The following ATP8B4 variants were observed in gnomAD, a reference collection of about 807,000 sequenced individuals.
The protein encoded by ATP8B4 is probable phospholipid-transporting ATPase IM.
A neutral mutation model predicts 145.6 loss-of-function variants in ATP8B4; 133 were observed. That is an observed-to-expected ratio of 0.91 (90% CI 0.79 to 1.05). ATP8B4 has a LOEUF of 1.05. Ranked by LOEUF, ATP8B4 falls within the 50% of genes least tolerant of loss-of-function variation. The pLI is 0.00. For synonymous variants in ATP8B4, 507 were observed against 492.9 expected (o/e 1.03, Z -0.38); for missense variants, 1,458 against 1,425.2 (o/e 1.02, Z -0.37).
At chr15:49,957,362 C>T (rs933292435) in intron 14 of ATP8B4, among the ~76,000 whole-genome samples, 1 of 151,794 alleles carries the variant, frequency 6.6e-6, no homozygotes, top group Non-Finnish European at 1.5e-5. Context: ...CACAAACACA[C>T]ACACACAGAG....
chr15:50,172,994 G>GCCCCGTCCAGGAGGTGGGGGGCAGC (rs1567418685), intron 1 of ATP8B4, among the ~76,000 whole-genome samples: 4 of 148,872 alleles, frequency 2.7e-5, no homozygotes, highest in African/African-American at 9.9e-5. Flanking sequence ...CCGGCCAGCC[G>GCCCCGTCCAGGAGGTGGGGGGCAGC]CCCCGTCCGG....
intron 16 of ATP8B4, among the ~76,000 whole-genome samples, chr15:49,926,455 T>C (rs769136807): frequency 9.9e-5 from 15 of 152,174 alleles, no homozygotes; most frequent in Non-Finnish European, 2.1e-4. Flanking sequence ...ATTCCAGTAC[T>C]GCTTCCTTCC....
chr15:49,991,079 T>C (rs1002284961), intron 9 of ATP8B4, among the ~76,000 whole-genome samples: 1 of 152,282 alleles, frequency 6.6e-6, no homozygotes, highest in South Asian at 2.1e-4. Context: ...CGCCTTTACA[T>C]GGAATCTATG....
chr15:49,983,085 T>C (rs1191566652), intron 10 of ATP8B4, among the ~76,000 whole-genome samples: 2 of 152,184 alleles, frequency 1.3e-5, no homozygotes, highest in East Asian at 3.8e-4. Context: ...ATAGGTCACC[T>C]TATCTTCTTA....
chr15:49,931,241 C>A lies in ATP8B4; in HGVS notation c.1520G>T (p.Gly507Val). The change falls in exon 16 of 28, where the codon GGG becomes GTG. Residue 507 changes from glycine to valine, a missense_variant. By Grantham distance (109) the Gly-to-Val change is moderately radical. Transcript: ENST00000284509. ...GALVTAARNF[G>V]FIFKSRTPET... ...TGGGGTCCGGGATTTAAAAATGAAC[C>A]CAAAATTTCTAGCGGCAGTCACTAG... The A allele has an allele frequency of 6.2e-7, 1 of 1,612,682 alleles. No homozygotes were observed. Among genetic ancestry groups the A allele is most frequent in the Non-Finnish European group, 8.5e-7 (1 of 1,179,224 alleles).
intron 18 of ATP8B4, 112 bp from the exon 19 acceptor site, chr15:49,919,062 AAATTATGATACAT>A: frequency 1.3e-6 from 1 of 768,456 alleles, no homozygotes; most frequent in Non-Finnish European, 2.1e-6. Context: ...TTGAAGACAG[AAATTATGATACAT>A]TGATATAGCA....
At chr15:49,871,014 A>T (rs548407688) in intron 25 of ATP8B4, among the ~76,000 whole-genome samples, 11 of 152,260 alleles carry the variant, frequency 7.2e-5, no homozygotes, top group Non-Finnish European at 1.5e-4. Flanking sequence ...TGTACTTACT[A>T]TGTGACTGGG....
At chr15:50,011,186 G>A (rs1033110566) in intron 6 of ATP8B4, among the ~76,000 whole-genome samples, 2 of 152,148 alleles carry the variant, frequency 1.3e-5, no homozygotes, top group African/African-American at 4.8e-5. Context: ...CACCTATGGT[G>A]CCAGCTTTAT....
chr15:49,962,582 T>TA (rs2044177594), intron 13 of ATP8B4, among the ~76,000 whole-genome samples: 1 of 152,224 alleles, frequency 6.6e-6, no homozygotes, highest in Non-Finnish European at 1.5e-5. Flanking sequence ...ATGTACTTAT[T>TA]ATAGATCTAA....
At chr15:50,149,148 G>T (rs931300429) in intron 1 of ATP8B4, among the ~76,000 whole-genome samples, 1 of 152,204 alleles carries the variant, frequency 6.6e-6, no homozygotes, top group African/African-American at 2.4e-5. Flanking sequence ...TGAGAACATT[G>T]TGTTAAGAAC....
intron 12 of ATP8B4, 86 bp downstream of exon 12, chr15:49,979,531 T>G: frequency 8.7e-7 from 1 of 1,144,076 alleles, no homozygotes; most frequent in East Asian, 2.5e-5. Context: ...AGACATCTAT[T>G]GCACTGCTGA....
chr15:50,019,990 T>A (rs549582527), intron 6 of ATP8B4, among the ~76,000 whole-genome samples: 1 of 151,472 alleles, frequency 6.6e-6, no homozygotes, highest in South Asian at 2.1e-4. Flanking sequence ...TGAAACAGGG[T>A]CTCTGTTGCC....
chr15:50,071,571 A>G (rs2053739714), intron 3 of ATP8B4, among the ~76,000 whole-genome samples: 1 of 152,246 alleles, frequency 6.6e-6, no homozygotes, highest in Non-Finnish European at 1.5e-5. Flanking sequence ...ACATGTATCT[A>G]GCTCTCTGAT....
At chr15:50,162,327 C>T (rs2044532496) in intron 1 of ATP8B4, among the ~76,000 whole-genome samples, 1 of 150,586 alleles carries the variant, frequency 6.6e-6, no homozygotes. Context: ...TATATATATA[C>T]TTTATTAATA....
intron 23 of ATP8B4, chr15:49,895,748 A>T (rs1566944458): frequency 6.6e-6 from 1 of 152,256 alleles, no homozygotes; most frequent in Non-Finnish European, 1.5e-5. Context: ...GAACCCAGAA[A>T]ATGACCTAAA....
intron 20 of ATP8B4, among the ~76,000 whole-genome samples, chr15:49,905,259 T>C (rs1342032174): frequency 6.6e-6 from 1 of 152,226 alleles, no homozygotes; most frequent in African/African-American, 2.4e-5. Context: ...CAGGTTTAAA[T>C]ATAAGCATTT....
chr15:49,986,209 G>A (rs1475358805), intron 10 of ATP8B4, among the ~76,000 whole-genome samples: 7 of 152,146 alleles, frequency 4.6e-5, no homozygotes, highest in Admixed American at 2.0e-4. Context: ...ACAAGGTCAC[G>A]GAAATGCAAA....
chr15:50,088,760 C>G (rs1315410963), intron 2 of ATP8B4, among the ~76,000 whole-genome samples: 3 of 152,102 alleles, frequency 2.0e-5, no homozygotes, highest in Non-Finnish European at 2.9e-5. Context: ...CACAGCTGTA[C>G]CTGCAACCTT....
chr15:49,926,573 T>C (rs558920174), intron 16 of ATP8B4, among the ~76,000 whole-genome samples: 3 of 152,274 alleles, frequency 2.0e-5, no homozygotes, highest in Admixed American at 1.3e-4. Context: ...ACATGACATA[T>C]AGAGCTTATT....
Sources: allele counts gnomAD v4.1 joint callset (sites outside exome capture counted in the v4.1 genomes callset), GRCh38; gene constraint gnomAD v4.1.1; transcripts MANE v1.5; gene names NCBI Gene and HGNC (gene_info 2026-07-23, HGNC 2026-07-21).